The following KALRN variants were observed in gnomAD, a reference collection of about 807,000 sequenced individuals.
The protein encoded by KALRN is kalirin RhoGEF kinase, also known as kalirin.
A neutral mutation model predicts 353.7 loss-of-function variants in KALRN; 70 were observed. The ratio of observed to expected loss-of-function variants is 0.20; its 90% confidence interval spans 0.16 to 0.24. The LOEUF is 0.24. Ranked by LOEUF, KALRN falls within the 10% of genes least tolerant of loss-of-function variation. The pLI is 1.00. For missense variants in KALRN, 2,791 were observed against 3,756.7 expected, an observed-to-expected ratio of 0.74 and a Z score of 6.72; for synonymous variants, 1,391 against 1,434.8, an observed-to-expected ratio of 0.97 and a Z score of 0.69.
intron 34 of KALRN, among the ~76,000 whole-genome samples, chr3:124,605,718 C>A (rs2077276762): frequency 6.6e-6 from 1 of 152,042 alleles, no homozygotes; most frequent in South Asian, 2.1e-4. Flanking sequence ...GGTTCTGTCC[C>A]CCTGATTATA....
At chr3:124,298,742 T>C in intron 5 of KALRN, 49 bp from the exon 6 acceptor site, 1 of 1,611,618 alleles carries the variant, frequency 6.2e-7, no homozygotes, top group Non-Finnish European at 8.5e-7. Flanking sequence ...TTTTGCCCTA[T>C]TCGACCCATG....
At chr3:124,686,733 A>G (rs1279324194) in intron 51 of KALRN, among the ~76,000 whole-genome samples, 3 of 150,736 alleles carry the variant, frequency 2.0e-5, no homozygotes, top group Non-Finnish European at 4.4e-5. Context: ...GTAGGTTTTA[A>G]GCAGTCCATA....
rs1266426355 is a variant in KALRN at position 124,721,177 on chromosome 3, C to T, written c.*1707C>T. ...AAAATGTAAAATTAAAAATCATCATCTTTTTTTTTCCATTGGTTTCAAAGA... is the reference window on the plus strand; with the variant it reads ...AAAATGTAAAATTAAAAATCATCATTTTTTTTTTTCCATTGGTTTCAAAGA... On this transcript the variant is annotated 3_prime_UTR_variant, in exon 60 of 60. Coordinates refer to ENST00000682506, the MANE Select transcript of KALRN (RefSeq NM_001388419.1). 3 of 151,482 alleles carry T rather than the reference C, an allele frequency of 2.0e-5. No individual in the cohort carries two copies. Among genetic ancestry groups the T allele is most frequent in the Admixed American group, 6.6e-5 (1 of 15,196 alleles). The allele number at this position is 151,482 out of a possible 1,614,324, so 9.4% of individuals were successfully genotyped here.
chr3:124,611,544 A>C (rs759317766), intron 34 of KALRN, among the ~76,000 whole-genome samples: 8 of 152,248 alleles, frequency 5.3e-5, no homozygotes, highest in Non-Finnish European at 1.2e-4. Flanking sequence ...TTCTTGGTGC[A>C]AAGGTGATTC....
intron 34 of KALRN, among the ~76,000 whole-genome samples, chr3:124,572,980 T>C (rs2073713576): frequency 6.6e-6 from 1 of 152,014 alleles, no homozygotes; most frequent in Admixed American, 6.6e-5. Flanking sequence ...GAGCCTGCAG[T>C]GAGCTGCCAT....
chr3:124,234,407 A>G (rs920701680), intron 2 of KALRN, among the ~76,000 whole-genome samples: 1 of 152,224 alleles, frequency 6.6e-6, no homozygotes, highest in South Asian at 2.1e-4. Flanking sequence ...ACAGAGGTCT[A>G]TAAAGAGAAG....
intron 1 of KALRN, among the ~76,000 whole-genome samples, chr3:124,043,045 G>T (rs1226752282): frequency 6.6e-6 from 1 of 152,266 alleles, no homozygotes; most frequent in South Asian, 2.1e-4. Flanking sequence ...AGCAATACTT[G>T]GGAAACACAG....
At chr3:124,541,681 G>C (rs1403439253) in intron 33 of KALRN, among the ~76,000 whole-genome samples, 1 of 150,706 alleles carries the variant, frequency 6.6e-6, no homozygotes, top group Non-Finnish European at 1.5e-5. Context: ...TCAGAAGTTT[G>C]AGATCAACCT....
At chr3:124,699,325 C>T (rs971708142) in intron 55 of KALRN, among the ~76,000 whole-genome samples, 2 of 152,190 alleles carry the variant, frequency 1.3e-5, no homozygotes, top group Admixed American at 1.3e-4. Context: ...TCAGTTTCTA[C>T]ATCTGTAAAG....
At chr3:124,321,501 C>T (rs1198073195) in intron 6 of KALRN, among the ~76,000 whole-genome samples, 2 of 152,150 alleles carry the variant, frequency 1.3e-5, no homozygotes, top group African/African-American at 4.8e-5. Flanking sequence ...AAGTGGGAGC[C>T]CTTTTGGCAG....
chr3:124,615,594 A>C (rs1377655023), intron 34 of KALRN, among the ~76,000 whole-genome samples: 1 of 152,262 alleles, frequency 6.6e-6, no homozygotes, highest in East Asian at 1.9e-4. Flanking sequence ...TAAAGAGTAT[A>C]TAGGAATTAT....
intron 1 of KALRN, among the ~76,000 whole-genome samples, chr3:124,090,352 C>T (rs940590436): frequency 6.6e-6 from 1 of 152,202 alleles, no homozygotes; most frequent in South Asian, 2.1e-4. Flanking sequence ...ATGAAAGCTA[C>T]ACAAAAGCTG....
At chr3:124,442,999 A>G (rs1294880968) in intron 19 of KALRN, among the ~76,000 whole-genome samples, 1 of 152,154 alleles carries the variant, frequency 6.6e-6, no homozygotes. Flanking sequence ...AGAAAAAAGA[A>G]AAGAAAAAAA....
At chr3:124,666,325 C>A in intron 45 of KALRN, 124 bp from the exon 46 acceptor site, 2 of 854,634 alleles carry the variant, frequency 2.3e-6, no homozygotes, top group Non-Finnish European at 1.8e-6. Context: ...CTTCCTAGAG[C>A]CCTGAGGCTT....
intron 34 of KALRN, among the ~76,000 whole-genome samples, chr3:124,582,468 T>C (rs1454493411): frequency 2.0e-5 from 3 of 152,096 alleles, no homozygotes; most frequent in African/African-American, 7.2e-5. Context: ...AACTAGAGGG[T>C]AGATTTTTGA....
chr3:124,046,040 G>A (rs1438236269), intron 1 of KALRN, among the ~76,000 whole-genome samples: 2 of 152,194 alleles, frequency 1.3e-5, no homozygotes. Flanking sequence ...TCTGCTTCTA[G>A]ACCATAGGTG....
chr3:124,362,753 G>A (rs544539151), intron 10 of KALRN, among the ~76,000 whole-genome samples: 4 of 152,242 alleles, frequency 2.6e-5, no homozygotes, highest in Non-Finnish European at 4.4e-5. Context: ...ACCAAGGGAA[G>A]GAAGCCATGG....
intron 31 of KALRN, 123 bp downstream of exon 31, chr3:124,491,547 G>C (rs1371017624): frequency 1.7e-6 from 1 of 581,668 alleles, no homozygotes; most frequent in African/African-American, 1.9e-5. Flanking sequence ...TTTTGGGAAT[G>C]GCAGCATCAC....
rs188781793 is a variant in KALRN at position 124,337,401 on chromosome 3, C to A, written c.1647+2906C>A. 1.4e-4 allele frequency among the ~76,000 whole-genome samples: 21 copies of A among 152,206 alleles called. No individual in the cohort carries two copies. In the East Asian group the frequency reaches 3.5e-3, roughly 25 times the overall value. Reference sequence around the variant, plus strand: ...GCCTTTTCTGCCTCTATTGAGATATCATGTGGTTTTTGTCATTGATTCTGT... The same window carrying A: ...GCCTTTTCTGCCTCTATTGAGATATAATGTGGTTTTTGTCATTGATTCTGT... On this transcript the variant is annotated intron_variant, in intron 9 of 59. Coordinates refer to ENST00000682506, the MANE Select transcript of KALRN (RefSeq NM_001388419.1).
Sources: allele counts gnomAD v4.1 joint callset (sites outside exome capture counted in the v4.1 genomes callset), GRCh38; gene constraint gnomAD v4.1.1; transcripts MANE v1.5; gene names NCBI Gene and HGNC (gene_info 2026-07-23, HGNC 2026-07-21).